LYRM1: variants seen among roughly 807,000 people sequenced by gnomAD.
LYRM1 encodes the protein LYR motif containing 1.
Under a neutral mutation model 14.9 loss-of-function variants are expected in LYRM1, and 14 were observed. That is an observed-to-expected ratio of 0.94 (90% CI 0.62 to 1.47). LYRM1 has a LOEUF of 1.47. Ranked by LOEUF, LYRM1 falls within the 40% of genes most tolerant of loss-of-function variation. The pLI is 0.00. For missense variants in LYRM1, 153 were observed against 149.9 expected, an observed-to-expected ratio of 1.02 and a Z score of -0.11; for synonymous variants, 43 against 56.2, an observed-to-expected ratio of 0.77 and a Z score of 1.05.
In LYRM1 at chr16:20,924,133, T is replaced by C; in HGVS notation, c.*17T>C. On this transcript the variant is annotated 3_prime_UTR_variant, in exon 4 of 4. Coordinates refer to ENST00000567954, the MANE Select transcript of LYRM1 (RefSeq NM_001128302.3). ...GTTTCCTAATCTAGAGGAAAGTTTA[T>C]TTCTGCAAATGATGAGCCAACTAGT... 2.9e-6 allele frequency: 4 copies of C among 1,399,944 alleles called. No individual in the cohort carries two copies. Among genetic ancestry groups the C allele is most frequent in the Non-Finnish European group, 4.0e-6 (4 of 995,296 alleles). 86.7% of individuals were successfully genotyped at this position (1,399,944 alleles called of 1,614,324 possible).
intron 1 of LYRM1, among the ~76,000 whole-genome samples, chr16:20,907,429 T>A: frequency 6.6e-6 from 1 of 152,134 alleles, no homozygotes. Flanking sequence ...GGCGTGATCA[T>A]AGCTCACTGC....
Position 20,920,155 on chromosome 16 carries a change from G to C in LYRM1, c.193G>C (p.Asp65His). 1 of 1,614,050 alleles carries C rather than the reference G, an allele frequency of 6.2e-7. No individual in the cohort carries two copies. Among genetic ancestry groups the C allele is most frequent in the Non-Finnish European group, 8.5e-7 (1 of 1,179,924 alleles). ...CACAGACCTAATTAAACAGTGTATA[G>C]ATGAATGCACAGCCAGGATTGAAAT... ...TDTDLIKQCI[D>H]ECTARIEIGL... The change falls in exon 3 of 4, where the codon GAT (aspartate) becomes CAT (histidine). Residue 65 changes from aspartate to histidine, a missense_variant. Asp to His is a moderately conservative substitution (Grantham distance 81). Coordinates refer to ENST00000567954, the MANE Select transcript of LYRM1 (RefSeq NM_001128302.3).
rs768629794 is a variant in LYRM1, at chr16:20,920,242, T to G, written c.252+28T>G. 8.0e-6 allele frequency: 12 copies of G among 1,502,276 alleles called. No individual in the cohort carries two copies. In the South Asian group the frequency reaches 1.4e-4, roughly 17 times the overall value. The allele number at this position is 1,502,276 out of a possible 1,614,324, so 93.1% of individuals were successfully genotyped here. Reference sequence around the variant, plus strand: ...AAGTGTGACTCCGGTTAACAAGTGCTGGGTACTTACCCTCATCAACCTGGT... The same window carrying G: ...AAGTGTGACTCCGGTTAACAAGTGCGGGGTACTTACCCTCATCAACCTGGT... On this transcript the variant is annotated intron_variant, in intron 3 of 3. Transcript: ENST00000567954.
At chr16:20,914,976 A>G (rs557338736) in intron 1 of LYRM1, among the ~76,000 whole-genome samples, 79 of 152,298 alleles carry the variant, frequency 5.2e-4, no homozygotes, top group African/African-American at 1.8e-3. Flanking sequence ...TTAAAGAATA[A>G]TAAGTGTGAG....
At position 20,924,767 on chromosome 16, in the gene LYRM1, C is replaced by T. The variant is rs1596829364; in HGVS notation, c.*651C>T. 6.6e-6 allele frequency: 1 copy of T among 152,168 alleles called. No homozygotes were observed. Among genetic ancestry groups the T allele is most frequent in the African/African-American group, 2.4e-5 (1 of 41,424 alleles). The allele number at this position is 152,168 out of a possible 1,614,324, so 9.4% of individuals were successfully genotyped here. ...CTGAAAAGCTCACTTTAAACTCATA[C>T]TACATTCGTTACGAGTATTTTACGT... On this transcript the variant is annotated 3_prime_UTR_variant, in exon 4 of 4. Transcript: ENST00000567954.
At chr16:20,918,748 C>G (rs1354597165) in intron 2 of LYRM1, among the ~76,000 whole-genome samples, 1 of 152,130 alleles carries the variant, frequency 6.6e-6, no homozygotes, top group Non-Finnish European at 1.5e-5. Flanking sequence ...CCAAAGGTAT[C>G]CCATGAACTG....
intron 1 of LYRM1, among the ~76,000 whole-genome samples, chr16:20,909,315 C>G (rs2082470625): frequency 6.6e-6 from 1 of 152,190 alleles, no homozygotes; most frequent in Admixed American, 6.5e-5. Context: ...AGGCACACCT[C>G]ATATCTTCTG....
chr16:20,915,450 A>G, intron 1 of LYRM1, 106 bp from the exon 2 acceptor site: 3 of 1,042,994 alleles, frequency 2.9e-6, no homozygotes, highest in Non-Finnish European at 4.1e-6. Context: ...ACAGAGCAAG[A>G]CTCCGTCTCA....
At chr16:20,912,707 G>A (rs1208440942) in intron 1 of LYRM1, among the ~76,000 whole-genome samples, 1 of 152,076 alleles carries the variant, frequency 6.6e-6, no homozygotes. Context: ...GTAACAACAT[G>A]GATGAATCTT....
At position 20,923,513 on chromosome 16, in the gene LYRM1, AG is replaced by A. The variant is rs67944067; in HGVS notation, c.253-486del. 6.6e-4 allele frequency among the ~76,000 whole-genome samples: 98 copies of A among 148,894 alleles called. 7 individuals carry two copies. Among genetic ancestry groups the A allele is most frequent in the South Asian group, 3.2e-3 (15 of 4,702 alleles). On this transcript the variant is annotated intron_variant, in intron 3 of 3. Transcript: ENST00000567954. Reference sequence around the variant, plus strand: ...AACTGTGTCTCAAAAAAAAAAAAAAAGAAAGAAAGAAAAATTAACCATCCCA... The same window carrying A: ...AACTGTGTCTCAAAAAAAAAAAAAAAAAAGAAAGAAAAATTAACCATCCCA...
At chr16:20,913,510 C>T (rs2082708898) in intron 1 of LYRM1, among the ~76,000 whole-genome samples, 1 of 152,174 alleles carries the variant, frequency 6.6e-6, no homozygotes, top group Non-Finnish European at 1.5e-5. Context: ...CTGGGTTTCA[C>T]CATGTTGCCC....
chr16:20,907,847 C>A (rs1472981747), intron 1 of LYRM1, among the ~76,000 whole-genome samples: 1 of 152,128 alleles, frequency 6.6e-6, no homozygotes, highest in Non-Finnish European at 1.5e-5. Context: ...TCTTATTACT[C>A]TTCAGAGCAC....
At chr16:20,904,691 T>TGTGTG (rs1555499200) in intron 1 of LYRM1, among the ~76,000 whole-genome samples, 1 of 141,062 alleles carries the variant, frequency 7.1e-6, no homozygotes, top group African/African-American at 2.7e-5. Context: ...AAGTCTGTGG[T>TGTGTG]TGTGTGTGTG....
chr16:20,924,221 T>C lies in LYRM1; in HGVS notation c.*105T>C, dbSNP rs886660756. 1.6e-6 allele frequency: 1 copy of C among 636,316 alleles called. No individual in the cohort carries two copies. 39.4% of individuals were successfully genotyped at this position (636,316 alleles called of 1,614,324 possible). ...TAGGGGCAAAAATTCAAATGTCTTC[T>C]TAAAACCTCCACAATTGATTCTCCC... On this transcript the variant is annotated 3_prime_UTR_variant, in exon 4 of 4. Transcript: ENST00000567954.
intron 2 of LYRM1, among the ~76,000 whole-genome samples, chr16:20,917,664 A>C (rs1748345855): frequency 6.6e-6 from 1 of 152,154 alleles, no homozygotes; most frequent in Admixed American, 6.6e-5. Flanking sequence ...AGGCTGAGGC[A>C]CGAGAATTTC....
intron 1 of LYRM1, among the ~76,000 whole-genome samples, chr16:20,907,359 C>CT (rs1157838245): frequency 1.3e-5 from 2 of 152,034 alleles, no homozygotes; most frequent in Non-Finnish European, 2.9e-5. Flanking sequence ...TCATGTTCAT[C>CT]TTTTTTATTT....
chr16:20,905,576 C>T (rs1456680522), intron 1 of LYRM1, among the ~76,000 whole-genome samples: 1 of 152,050 alleles, frequency 6.6e-6, no homozygotes, highest in Non-Finnish European at 1.5e-5. Flanking sequence ...TGATTTTAAC[C>T]CATGATCATT....
intron 1 of LYRM1, among the ~76,000 whole-genome samples, chr16:20,906,772 C>A (rs1014861743): frequency 6.6e-6 from 1 of 152,144 alleles, no homozygotes; most frequent in African/African-American, 2.4e-5. Context: ...AGGAACTGTT[C>A]CAGAGGTGGG....
chr16:20,916,065 T>G (rs1250515894), intron 2 of LYRM1, among the ~76,000 whole-genome samples: 2 of 93,720 alleles, frequency 2.1e-5, no homozygotes, highest in African/African-American at 6.2e-5. Context: ...GGAAAGTGGT[T>G]TTTTGTTGTT....
Sources: gnomAD v4.1 joint callset for allele counts (sites outside exome capture counted in the v4.1 genomes callset) on GRCh38, gnomAD v4.1.1 for gene constraint, MANE v1.5 for transcripts, NCBI Gene and HGNC (gene_info 2026-07-23, HGNC 2026-07-21) for gene names.